STXBP5L: variants seen among roughly 807,000 people sequenced by gnomAD.
STXBP5L encodes syntaxin-binding protein 5-like.
In STXBP5L, 65 loss-of-function variants were observed where a neutral mutation model predicts 144.5. The observed-to-expected ratio is 0.45, with a 90% CI of 0.37 to 0.55. The LOEUF (loss-of-function observed/expected upper bound fraction) is 0.55. Among genes scored for constraint, STXBP5L ranks in the 20% least tolerant of loss-of-function variants. STXBP5L has a pLI of 0.00. For synonymous variants in STXBP5L, 505 were observed against 469.6 expected (o/e 1.08, Z -0.97); for missense variants, 1,298 against 1,405.5 (o/e 0.92, Z 1.22).
At chr3:121,280,320 T>C (rs1428823227) in intron 19 of STXBP5L, among the ~76,000 whole-genome samples, 1 of 151,950 alleles carries the variant, frequency 6.6e-6, no homozygotes, top group Admixed American at 6.6e-5. Flanking sequence ...ACAGGTTAAC[T>C]TTCTTCTAAA....
intron 3 of STXBP5L, among the ~76,000 whole-genome samples, chr3:120,999,754 G>T (rs185789558): frequency 1.3e-5 from 2 of 152,224 alleles, no homozygotes; most frequent in Admixed American, 6.5e-5. Context: ...AAGAGCTCTT[G>T]TAAGGCAGGT....
intron 7 of STXBP5L, among the ~76,000 whole-genome samples, chr3:121,122,399 C>T (rs2044508071): frequency 6.6e-6 from 1 of 150,988 alleles, no homozygotes; most frequent in South Asian, 2.1e-4. Flanking sequence ...CAATCAGGTG[C>T]CGTCAGAGTT....
chr3:121,182,774 G>T (rs1023331702), intron 9 of STXBP5L, among the ~76,000 whole-genome samples: 4 of 152,278 alleles, frequency 2.6e-5, no homozygotes, highest in African/African-American at 9.6e-5. Flanking sequence ...GAAAACAAGA[G>T]AGAGCATCCA....
chr3:121,334,116 C>T (rs73183150), intron 20 of STXBP5L, among the ~76,000 whole-genome samples: 5,614 of 152,156 alleles, frequency 0.037, 151 homozygotes, highest in Middle Eastern at 0.085. Context: ...CCATGTAAGA[C>T]GTGACTTGCT....
At chr3:121,417,754 C>T (rs947959268) in intron 25 of STXBP5L, among the ~76,000 whole-genome samples, 26 of 152,156 alleles carry the variant, frequency 1.7e-4, no homozygotes, top group Admixed American at 1.5e-3. Flanking sequence ...CGTGAGCCAC[C>T]GTGCCCAGCC....
intron 9 of STXBP5L, among the ~76,000 whole-genome samples, chr3:121,183,956 A>C (rs2047266142): frequency 6.6e-6 from 1 of 152,060 alleles, no homozygotes; most frequent in Non-Finnish European, 1.5e-5. Context: ...ACTCCAGCAG[A>C]CCTGGAGAAG....
rs950553209 is a variant in STXBP5L at position 121,221,601 on chromosome 3, GC to G, written c.957-1401del. On this transcript the variant is annotated intron_variant, in intron 10 of 26. Transcript: ENST00000471454. ...TTTCATAAATAACTATATTAGAAATGCTTTTTAAATCTGGATAAATCTTATT... is the reference window on the plus strand; with the variant it reads ...TTTCATAAATAACTATATTAGAAATGTTTTTAAATCTGGATAAATCTTATT... Among the ~76,000 whole-genome samples the G allele has an allele frequency of 4.0e-5, 6 of 151,270 alleles. No homozygotes were observed. The Admixed American group carries it at 4.0e-4, about 10-fold the overall frequency.
At chr3:121,129,987 A>T (rs1307295437) in intron 7 of STXBP5L, among the ~76,000 whole-genome samples, 4 of 152,114 alleles carry the variant, frequency 2.6e-5, no homozygotes, top group African/African-American at 9.7e-5. Flanking sequence ...ACATCACTTG[A>T]TGGGGCTTTT....
intron 7 of STXBP5L, among the ~76,000 whole-genome samples, chr3:121,122,651 G>A (rs950909821): frequency 5.3e-5 from 8 of 151,324 alleles, no homozygotes; most frequent in African/African-American, 1.9e-4. Flanking sequence ...CTGGATAATT[G>A]GTTCTTCACT....
chr3:121,294,457 G>A (rs2051568228), intron 19 of STXBP5L, among the ~76,000 whole-genome samples: 1 of 152,190 alleles, frequency 6.6e-6, no homozygotes, highest in African/African-American at 2.4e-5. Flanking sequence ...TATTATGTCT[G>A]TTGTATAAAT....
intron 18 of STXBP5L, among the ~76,000 whole-genome samples, chr3:121,274,625 G>A (rs1172707015): frequency 6.6e-6 from 1 of 152,230 alleles, no homozygotes; most frequent in African/African-American, 2.4e-5. Context: ...CATGAAGCCA[G>A]GGCTCTGTGG....
At chr3:121,315,509 G>A (rs555784986) in intron 19 of STXBP5L, among the ~76,000 whole-genome samples, 15 of 150,408 alleles carry the variant, frequency 1.0e-4, no homozygotes, top group Non-Finnish European at 1.8e-4. Context: ...GGGAGGGATA[G>A]CATTAGGAGA....
intron 7 of STXBP5L, among the ~76,000 whole-genome samples, chr3:121,147,974 G>T (rs1236741083): frequency 6.6e-6 from 1 of 151,948 alleles, no homozygotes; most frequent in Admixed American, 6.6e-5. Context: ...CTGGTTCTCA[G>T]GTCTTCAGAC....
At chr3:121,070,401 A>C (rs1576849604) in intron 5 of STXBP5L, among the ~76,000 whole-genome samples, 1 of 152,356 alleles carries the variant, frequency 6.6e-6, no homozygotes, top group East Asian at 1.9e-4. Context: ...CTGTCCACAG[A>C]GAGAAGACAG....
At chr3:121,193,966 TATA>T (rs144408060) in intron 9 of STXBP5L, among the ~76,000 whole-genome samples, 100,912 of 150,112 alleles carry the variant, frequency 0.67, 34,302 homozygotes, top group East Asian at 0.86. Context: ...GAAGTTAACA[TATA>T]ATAATAATAA....
In STXBP5L at chr3:121,318,184, A is replaced by G. The variant is rs182662901; in HGVS notation, c.2111-291A>G. 2.6e-3 allele frequency among the ~76,000 whole-genome samples: 399 copies of G among 152,168 alleles called. 4 individuals carry two copies. The highest frequency in any genetic ancestry group is 9.0e-3 in the African/African-American group (373 of 41,550). ...AACAAATTTTCAGAATAGGCCAGGC[A>G]TGGTGGCTCACACCTGTAATCCCAA... On this transcript the variant is annotated intron_variant, in intron 19 of 26. Transcript: ENST00000471454.
At chr3:121,003,738 A>C (rs1943994573) in intron 3 of STXBP5L, among the ~76,000 whole-genome samples, 1 of 152,166 alleles carries the variant, frequency 6.6e-6, no homozygotes, top group African/African-American at 2.4e-5. Context: ...TATAAGGTGT[A>C]AGGAAGGGAT....
chr3:121,006,039 G>T (rs1031241279), intron 3 of STXBP5L, among the ~76,000 whole-genome samples: 3 of 152,156 alleles, frequency 2.0e-5, no homozygotes, highest in Non-Finnish European at 2.9e-5. Context: ...ATGATTTGGG[G>T]TGGAGAGTTC....
chr3:121,398,608 A>AT (rs1322360062), intron 22 of STXBP5L, among the ~76,000 whole-genome samples: 3 of 151,836 alleles, frequency 2.0e-5, no homozygotes, highest in Non-Finnish European at 4.4e-5. Flanking sequence ...TGACTTGCTG[A>AT]TTTTTTCTAC....
Sources: gnomAD v4.1 joint callset for allele counts (sites outside exome capture counted in the v4.1 genomes callset) on GRCh38, gnomAD v4.1.1 for gene constraint, MANE v1.5 for transcripts, NCBI Gene and HGNC (gene_info 2026-07-23, HGNC 2026-07-21) for gene names.